The following KCNT1 variants were observed in gnomAD, a reference collection of about 807,000 sequenced individuals.
KCNT1 encodes the protein potassium channel subfamily T member 1.
KCNT1 carries 78 observed loss-of-function variants against 147.8 expected under a neutral mutation model. The observed-to-expected ratio is 0.53, with a 90% CI of 0.44 to 0.64. The LOEUF (loss-of-function observed/expected upper bound fraction) is 0.64. Among genes scored for constraint, KCNT1 ranks in the 30% least tolerant of loss-of-function variants. KCNT1 has a pLI of 0.00. For synonymous variants in KCNT1, 867 were observed against 748.8 expected, an observed-to-expected ratio of 1.16 and a Z score of -2.58; for missense variants, 1,419 against 1,750.3, an observed-to-expected ratio of 0.81 and a Z score of 3.38.
chr9:135,755,996 C>T (rs1407597310), intron 6 of KCNT1, among the ~76,000 whole-genome samples: 1 of 137,696 alleles, frequency 7.3e-6, no homozygotes, highest in Non-Finnish European at 1.6e-5. Flanking sequence ...ATTTACTGAC[C>T]CAGGGTCAGT....
chr9:135,764,102 C>T (rs141756042), intron 11 of KCNT1, among the ~76,000 whole-genome samples: 28 of 152,230 alleles, frequency 1.8e-4, no homozygotes, highest in Admixed American at 5.2e-4. Flanking sequence ...TTAGACCAGA[C>T]GATAGCACAT....
intron 11 of KCNT1, among the ~76,000 whole-genome samples, chr9:135,760,170 A>C (rs1336526960): frequency 6.6e-6 from 1 of 152,146 alleles, no homozygotes; most frequent in African/African-American, 2.4e-5. Flanking sequence ...GGGAAGGGTC[A>C]AGGTGGACAG....
chr9:135,788,210 A>G (rs1588413028), intron 29 of KCNT1: 1 of 1,489,218 alleles, frequency 6.7e-7, no homozygotes, highest in Admixed American at 1.7e-5. Flanking sequence ...GGGGCTCGCC[A>G]ACCCTTCACC....
At chr9:135,756,322 C>T (rs1279353666) in intron 6 of KCNT1, among the ~76,000 whole-genome samples, 1 of 152,124 alleles carries the variant, frequency 6.6e-6, no homozygotes, top group Non-Finnish European at 1.5e-5. Flanking sequence ...CTCCACTGAC[C>T]CATCTGTGTC....
chr9:135,791,909 G>GCC, intron 30 of KCNT1, 28 bp downstream of exon 30: 1 of 1,610,780 alleles, frequency 6.2e-7, no homozygotes, highest in African/African-American at 1.4e-5. Flanking sequence ...GCTGTGTGGA[G>GCC]ACCCCCCCTG....
At position 135,714,494 on chromosome 9, in the gene KCNT1, G is replaced by A. The variant is rs1390755743; in HGVS notation, c.111-83G>A. 1 of 915,300 alleles carries A rather than the reference G, an allele frequency of 1.1e-6. No homozygotes were observed. Among genetic ancestry groups the A allele is most frequent in the Admixed American group, 6.4e-5 (1 of 15,644 alleles). 56.7% of individuals were successfully genotyped at this position (915,300 alleles called of 1,614,324 possible). A position where few individuals can be genotyped will look rare whatever the true frequency, so the allele number is the denominator to read the frequency against. Reference sequence around the variant, plus strand: ...GCGGTGGCCGCGGGCTGCGCTGCGCGGGCCGGGCCTGGCGGGCCGGGGGCT... The same window carrying A: ...GCGGTGGCCGCGGGCTGCGCTGCGCAGGCCGGGCCTGGCGGGCCGGGGGCT... On this transcript the variant is annotated intron_variant, in intron 1 of 30. Transcript: ENST00000371757. This position sits in a 1 kb window ranked among gnomAD's most constrained non-coding sequence, Gnocchi z 6.2.
chr9:135,736,866 C>A (rs1204230756), intron 2 of KCNT1: 2 of 290,126 alleles, frequency 6.9e-6, no homozygotes, highest in South Asian at 1.6e-4. Flanking sequence ...TGGGCTGCAC[C>A]TGCGTTGCCT....
intron 29 of KCNT1, chr9:135,788,192 C>T (rs374392705): frequency 3.8e-5 from 60 of 1,592,490 alleles, no homozygotes; most frequent in Admixed American, 2.2e-4. Flanking sequence ...TGCCGACCAC[C>T]GCACAACGGG....
In KCNT1 at chr9:135,730,993, A is replaced by G. The variant is rs1450598435; in HGVS notation, c.254+16273A>G. Among the ~76,000 whole-genome samples the G allele has an allele frequency of 2.8e-5, 4 of 144,244 alleles. No individual in the cohort carries two copies. The highest frequency in any genetic ancestry group is 7.6e-5 in the African/African-American group (3 of 39,290). 94.6% of individuals were successfully genotyped at this position (144,244 alleles called of 152,430 possible). A position where few individuals can be genotyped will look rare whatever the true frequency, so the allele number is the denominator to read the frequency against. On this transcript the variant is annotated intron_variant, in intron 2 of 30. Transcript: ENST00000371757. The surrounding 1 kb of genome is among the most constrained non-coding windows in gnomAD (Gnocchi z 4.7). Reference sequence around the variant, plus strand: ...AAAGTGAGATCCCGTCTCAAGGTAAAAAAAAAAAAAAAAAAAAAAAGTGTG... The same window carrying G: ...AAAGTGAGATCCCGTCTCAAGGTAAGAAAAAAAAAAAAAAAAAAAAGTGTG...
rs566157365 is a variant in KCNT1, at chr9:135,771,057, C to T, written c.1970C>T (p.Pro657Leu). 1.6e-5 allele frequency: 26 copies of T among 1,611,902 alleles called. No individual in the cohort carries two copies. The highest frequency in any genetic ancestry group is 4.5e-5 in the East Asian group (2 of 44,804). The change falls in exon 18 of 31, where the codon CCG becomes CTG. Residue 657 changes from proline to leucine, a missense_variant. By Grantham distance (98) the Pro-to-Leu change is moderately conservative. Coordinates refer to ENST00000371757, the MANE Select transcript of KCNT1 (RefSeq NM_020822.3). ...AFSGQGLHEG[P>L]ARLPVHSIIA... Reference sequence around the variant, plus strand: ...TCGGGGCAGGGGCTGCACGAGGGTCCGGCCCGCCTGCCCGTGCACAGCATC... The same window carrying T: ...TCGGGGCAGGGGCTGCACGAGGGTCTGGCCCGCCTGCCCGTGCACAGCATC...
chr9:135,768,988 T>C (rs754725947), intron 15 of KCNT1, 51 bp downstream of exon 15: 2 of 1,394,360 alleles, frequency 1.4e-6, no homozygotes, highest in Non-Finnish European at 2.0e-6. Flanking sequence ...AGGGCACGTG[T>C]GCACACGTGG....
intron 3 of KCNT1, chr9:135,750,667 C>T: frequency 1.8e-6 from 1 of 557,356 alleles, no homozygotes; most frequent in Non-Finnish European, 3.2e-6. Flanking sequence ...CAATCCCTAT[C>T]CTGTCCTCCA....
intron 2 of KCNT1, chr9:135,742,762 G>C: frequency 1.4e-6 from 1 of 717,342 alleles, no homozygotes; most frequent in Middle Eastern, 2.3e-4. Flanking sequence ...ATGCCCCTCT[G>C]TGTCCCCAGG....
chr9:135,750,045 C>G lies in KCNT1; in HGVS notation c.255-53C>G, dbSNP rs1211672837. ...CAGGTTGGGGCTCCCGGCGTGTCCC[C>G]AGCCTGAGTCCCCACTGGCCCTGAG... On this transcript the variant is annotated intron_variant, in intron 2 of 30. Transcript: ENST00000371757. 13 of 1,470,210 alleles carry G rather than the reference C, an allele frequency of 8.8e-6. No individual in the cohort carries two copies. The South Asian group carries it at 1.4e-4, about 15-fold the overall frequency. The allele number at this position is 1,470,210 out of a possible 1,614,324, so 91.1% of individuals were successfully genotyped here.
chr9:135,772,732 C>T lies in KCNT1; in HGVS notation c.2026C>T (p.Leu676=), dbSNP rs1832839541. The T allele has an allele frequency of 1.4e-6, 2 of 1,416,612 alleles. No individual in the cohort carries two copies. Among genetic ancestry groups the T allele is most frequent in the Admixed American group, 3.2e-5 (1 of 31,128 alleles). 87.8% of individuals were successfully genotyped at this position (1,416,612 alleles called of 1,614,324 possible). ...IASMGTVAMD[L]QGTEHRPTQS... ...TCTTCCAGGGACAGTGGCCATGGAC[C>T]TGCAGGGCACAGAGCACCGGCCTAC... The change falls in exon 19 of 31, where the codon CTG becomes TTG. Residue 676 remains leucine, a synonymous_variant. Transcript: ENST00000371757.
rs1831131534 is a variant in KCNT1, at chr9:135,751,032, G to T, written c.425G>T (p.Gly142Val). 4 of 1,610,728 alleles carry T rather than the reference G, an allele frequency of 2.5e-6. No individual in the cohort carries two copies. In the Admixed American group the frequency reaches 6.7e-5, roughly 27 times the overall value. ...GTCCTGCTCGATGACCCGGCCCTGGGCATCGGATGGTGGGCCACGTGCGCG... is the reference window on the plus strand; with the variant it reads ...GTCCTGCTCGATGACCCGGCCCTGGTCATCGGATGGTGGGCCACGTGCGCG... ...VRVLLDDPAL[G>V]IGCWGCPKQN... The change falls in exon 4 of 31, where the codon GGC (glycine) becomes GTC (valine). Residue 142 changes from glycine to valine, a missense_variant. Gly to Val is a moderately radical substitution (Grantham distance 109). Transcript: ENST00000371757.
chr9:135,726,430 G>T (rs1375291836), intron 2 of KCNT1, among the ~76,000 whole-genome samples: 2 of 151,534 alleles, frequency 1.3e-5, no homozygotes, highest in East Asian at 3.9e-4. Context: ...AGCTCCCCCT[G>T]GCTTCTGTGG....
Position 135,750,959 on chromosome 9 carries a change from T to C in KCNT1, c.352T>C (p.Phe118Leu), listed in dbSNP as rs768013858. The C allele has an allele frequency of 2.5e-6, 4 of 1,613,092 alleles. No homozygotes were observed. The South Asian group carries it at 4.4e-5, about 18-fold the overall frequency. ...CCCCGCAGGCCTGAGGATCCGGCTG[T>C]TCAACTTCTCCCTGAAGCTGCTCAC... ...NQRSSLRIRL[F>L]NFSLKLLTCL... The change falls in exon 4 of 31, where the codon TTC becomes CTC. Residue 118 changes from phenylalanine (F) to leucine (L), a missense_variant. This residue lies in a region of KCNT1 where 401 missense variants were observed against 610.6 expected (regional missense o/e 0.66). Coordinates refer to ENST00000371757, the MANE Select transcript of KCNT1 (RefSeq NM_020822.3).
At chr9:135,703,599 T>A (rs1457704184) in intron 1 of KCNT1, among the ~76,000 whole-genome samples, 3 of 152,152 alleles carry the variant, frequency 2.0e-5, no homozygotes, top group Admixed American at 2.0e-4. Flanking sequence ...TGAGGGACTA[T>A]CCGGGGGATG....
Sources: allele counts gnomAD v4.1 joint callset (sites outside exome capture counted in the v4.1 genomes callset), GRCh38; gene constraint gnomAD v4.1.1; regional missense constraint gnomAD v4.1.1; non-coding constraint Gnocchi (gnomAD v3.1); transcripts MANE v1.5; gene names NCBI Gene and HGNC (gene_info 2026-07-23, HGNC 2026-07-21).